DPP4: variants seen among roughly 807,000 people sequenced by gnomAD.
The protein encoded by DPP4 is ADCP-2.
In DPP4, 93 loss-of-function variants were observed where a neutral mutation model predicts 122.4. That is an observed-to-expected ratio of 0.76 (90% CI 0.64 to 0.90). The LOEUF (loss-of-function observed/expected upper bound fraction) is 0.90, where lower values mean the gene tolerates loss of function less well. Among genes scored for constraint, DPP4 ranks in the 40% least tolerant of loss-of-function variants. The pLI is 0.00. For missense variants in DPP4, 914 were observed against 907.3 expected (o/e 1.01, Z -0.09); for synonymous variants, 321 against 302.9 (o/e 1.06, Z -0.62).
intron 5 of DPP4, among the ~76,000 whole-genome samples, chr2:162,039,878 C>T (rs1213574259): frequency 6.6e-6 from 1 of 151,798 alleles, no homozygotes; most frequent in Non-Finnish European, 1.5e-5. Flanking sequence ...AAAGCCAAAA[C>T]TCAAGTCATC....
At chr2:162,045,676 T>A in intron 4 of DPP4, 64 bp from the exon 5 acceptor site, 1 of 1,151,872 alleles carries the variant, frequency 8.7e-7, no homozygotes. Flanking sequence ...ACTGTGCACT[T>A]ACTTCATAGG....
chr2:162,069,768 A>G (rs1303412416), intron 2 of DPP4, among the ~76,000 whole-genome samples: 1 of 152,184 alleles, frequency 6.6e-6, no homozygotes, highest in Non-Finnish European at 1.5e-5. Context: ...GGCAAACCTC[A>G]TAGATGCTAT....
chr2:161,999,060 A>G (rs1024716496), intron 23 of DPP4, among the ~76,000 whole-genome samples: 3 of 152,190 alleles, frequency 2.0e-5, no homozygotes, highest in Admixed American at 1.3e-4. Flanking sequence ...GAGGCAGCTG[A>G]GAGACATACA....
At position 161,993,222 on chromosome 2, in the gene DPP4, T is replaced by C; in HGVS notation, c.*61A>G. 2.3e-6 allele frequency: 3 copies of C among 1,277,846 alleles called. No homozygotes were observed. Among genetic ancestry groups the C allele is most frequent in the Non-Finnish European group, 3.4e-6 (3 of 876,350 alleles). The allele number at this position is 1,277,846 out of a possible 1,614,324, so 79.2% of individuals were successfully genotyped here. A position where few individuals can be genotyped will look rare whatever the true frequency, so the allele number is the denominator to read the frequency against. ...CATCATCATCTTGACAGTGCAGTTTTGAGATAATGAAAACAAAAATGAGTT... is the reference window on the plus strand; with the variant it reads ...CATCATCATCTTGACAGTGCAGTTTCGAGATAATGAAAACAAAAATGAGTT... On this transcript the variant is annotated 3_prime_UTR_variant, in exon 26 of 26. Transcript: ENST00000360534.
intron 9 of DPP4, 93 bp downstream of exon 9, chr2:162,035,071 G>T (rs551119069): frequency 1.5e-6 from 2 of 1,298,740 alleles, no homozygotes; most frequent in Non-Finnish European, 2.1e-6. Context: ...GTTGAAGAGA[G>T]ACTGACAATA....
At chr2:162,070,943 C>A (rs900861913) in intron 2 of DPP4, among the ~76,000 whole-genome samples, 1 of 152,040 alleles carries the variant, frequency 6.6e-6, no homozygotes, top group Non-Finnish European at 1.5e-5. Context: ...CCTTAGCCAC[C>A]CTCTCCTTTA....
intron 10 of DPP4, among the ~76,000 whole-genome samples, chr2:162,027,185 T>G (rs899951507): frequency 6.6e-6 from 1 of 152,002 alleles, no homozygotes; most frequent in Non-Finnish European, 1.5e-5. Context: ...ACCCTGACTC[T>G]ACTAAAAATG....
At chr2:162,049,442 A>G (rs1684305728) in intron 2 of DPP4, among the ~76,000 whole-genome samples, 2 of 148,556 alleles carry the variant, frequency 1.3e-5, no homozygotes, top group South Asian at 4.5e-4. Context: ...ACACATGGAC[A>G]TATGGCGAGG....
intron 23 of DPP4, among the ~76,000 whole-genome samples, chr2:162,002,804 G>C (rs1701184527): frequency 6.6e-6 from 1 of 152,178 alleles, no homozygotes; most frequent in African/African-American, 2.4e-5. Flanking sequence ...ATTCCTGCCA[G>C]AGACAAAAGC....
chr2:162,064,045 A>G (rs978592686), intron 2 of DPP4, among the ~76,000 whole-genome samples: 3 of 152,154 alleles, frequency 2.0e-5, no homozygotes, highest in African/African-American at 7.2e-5. Context: ...AGGGGAGCCG[A>G]TACAGGTGAA....
chr2:162,063,318 A>G (rs1406845946), intron 2 of DPP4, among the ~76,000 whole-genome samples: 1 of 152,216 alleles, frequency 6.6e-6, no homozygotes, highest in African/African-American at 2.4e-5. Context: ...GCAGTTGTAT[A>G]CTGCACCTAG....
chr2:162,043,460 G>A (rs1317656921), intron 5 of DPP4, among the ~76,000 whole-genome samples: 1 of 152,122 alleles, frequency 6.6e-6, no homozygotes, highest in Non-Finnish European at 1.5e-5. Context: ...GGGACAGAGT[G>A]AAAAAAGCAA....
chr2:162,055,016 TAA>T (rs1370482848), intron 2 of DPP4, among the ~76,000 whole-genome samples: 1 of 152,102 alleles, frequency 6.6e-6, no homozygotes, highest in Non-Finnish European at 1.5e-5. Flanking sequence ...AAAAAGAATA[TAA>T]AAGAGTCTTT....
intron 2 of DPP4, among the ~76,000 whole-genome samples, chr2:162,062,979 G>A (rs741529): frequency 0.094 from 13,815 of 146,246 alleles, 671 homozygotes; most frequent in Middle Eastern, 0.19. Context: ...ACACCATAGG[G>A]AAGTAAGAAA....
intron 23 of DPP4, among the ~76,000 whole-genome samples, chr2:161,997,567 G>A (rs1418785010): frequency 6.6e-6 from 1 of 152,164 alleles, no homozygotes; most frequent in Non-Finnish European, 1.5e-5. Context: ...AGTGTTATCA[G>A]CTGGAGTGGG....
At chr2:162,041,140 G>A (rs185538765) in intron 5 of DPP4, among the ~76,000 whole-genome samples, 44 of 152,184 alleles carry the variant, frequency 2.9e-4, no homozygotes, top group African/African-American at 1.0e-3. Flanking sequence ...AGAGCCAAGT[G>A]AAGAAGGGAA....
intron 2 of DPP4, among the ~76,000 whole-genome samples, chr2:162,049,116 C>T (rs914395093): frequency 2.0e-5 from 3 of 152,184 alleles, no homozygotes; most frequent in South Asian, 2.1e-4. Context: ...TATAAAATTC[C>T]TATAACTGCA....
intron 18 of DPP4, among the ~76,000 whole-genome samples, chr2:162,015,023 A>T (rs937271823): frequency 6.6e-6 from 1 of 152,208 alleles, no homozygotes; most frequent in Non-Finnish European, 1.5e-5. Flanking sequence ...TGTTGCGTAC[A>T]TTCTGTATGA....
At chr2:162,027,748 C>T (rs1404585923) in intron 10 of DPP4, among the ~76,000 whole-genome samples, 6 of 152,130 alleles carry the variant, frequency 3.9e-5, no homozygotes. Context: ...GTTCAGAAAT[C>T]AGCAATATAA....
Sources: gnomAD v4.1 joint callset for allele counts (sites outside exome capture counted in the v4.1 genomes callset) on GRCh38, gnomAD v4.1.1 for gene constraint, MANE v1.5 for transcripts, NCBI Gene and HGNC (gene_info 2026-07-23, HGNC 2026-07-21) for gene names.